CEP170: variants seen among roughly 807,000 people sequenced by gnomAD.
The protein encoded by CEP170 is centrosomal protein 170, also known as centrosomal protein of 170 kDa.
Under a neutral mutation model 151.9 loss-of-function variants are expected in CEP170, and 21 were observed. That is an observed-to-expected ratio of 0.14 (90% CI 0.10 to 0.20). The LOEUF (loss-of-function observed/expected upper bound fraction) is 0.20. Ranked by LOEUF, CEP170 falls within the 10% of genes least tolerant of loss-of-function variation. CEP170 has a pLI of 1.00. For synonymous variants in CEP170, 356 were observed against 648.8 expected, an observed-to-expected ratio of 0.55 and a Z score of 6.86; for missense variants, 964 against 1,892.9, an observed-to-expected ratio of 0.51 and a Z score of 9.11.
chr1:243,178,007 G>C (rs1187462672), intron 10 of CEP170, among the ~76,000 whole-genome samples: 1 of 152,070 alleles, frequency 6.6e-6, no homozygotes, highest in Admixed American at 6.6e-5. Flanking sequence ...TGTGGTTTAT[G>C]CACGCAATAA....
At chr1:243,233,741 AAT>A (rs1303987181) in intron 1 of CEP170, among the ~76,000 whole-genome samples, 16 of 140,410 alleles carry the variant, frequency 1.1e-4, no homozygotes, top group Admixed American at 2.9e-4. Flanking sequence ...TCAAAAAAAA[AAT>A]ATATATATAT....
chr1:243,255,759 T>C (rs2066581770), upstream of CEP170, among the ~76,000 whole-genome samples: 1 of 152,200 alleles, frequency 6.6e-6, no homozygotes, highest in African/African-American at 2.4e-5. Flanking sequence ...CTTTCTGTCA[T>C]TTGGGTGGTC....
intron 1 of CEP170, among the ~76,000 whole-genome samples, chr1:243,254,062 C>T (rs2066236816): frequency 6.6e-6 from 1 of 152,158 alleles, no homozygotes; most frequent in Non-Finnish European, 1.5e-5. Flanking sequence ...ATTTCCCTGA[C>T]ACAACAGCTT....
chr1:243,167,562 A>C (rs2058529017), intron 12 of CEP170, among the ~76,000 whole-genome samples: 1 of 151,866 alleles, frequency 6.6e-6, no homozygotes, highest in Non-Finnish European at 1.5e-5. Flanking sequence ...ACATCTTTTC[A>C]GGGAAATATA....
At chr1:243,231,427 T>G (rs1297122092) in intron 1 of CEP170, among the ~76,000 whole-genome samples, 1 of 152,134 alleles carries the variant, frequency 6.6e-6, no homozygotes. Context: ...TCCACTGTTT[T>G]CATACTTTTC....
rs779488990 is a variant in CEP170 at position 243,185,783 on chromosome 1, T to C, written c.1562A>G (p.Asp521Gly). The C allele has an allele frequency of 1.1e-5, 17 of 1,591,124 alleles. No homozygotes were observed. Among genetic ancestry groups the C allele is most frequent in the Non-Finnish European group, 1.3e-5 (15 of 1,169,420 alleles). The change falls in exon 10 of 20, where the codon GAC becomes GGC. Residue 521 changes from aspartate (D) to glycine (G), a missense_variant. Physicochemically the swap from Asp to Gly is moderately conservative, Grantham distance 94. Transcript: ENST00000366542. This position sits in a 1 kb window ranked among gnomAD's most constrained non-coding sequence, Gnocchi z 4.9. ...ACTCAAATTTCAATTATTTACCTTG[T>C]CAATCATTTTTCTTGCTTCCACTTC... ...SEEVEARKMI[D>G]KVFGVDDNQD...
intron 1 of CEP170, among the ~76,000 whole-genome samples, chr1:243,235,958 G>A (rs950950695): frequency 2.0e-5 from 3 of 152,108 alleles, no homozygotes; most frequent in Non-Finnish European, 2.9e-5. Flanking sequence ...TATGAAACAC[G>A]TAAAGTCTGA....
intron 4 of CEP170, 119 bp from the exon 5 acceptor site, chr1:243,200,954 A>T: frequency 9.6e-7 from 1 of 1,036,612 alleles, no homozygotes; most frequent in Admixed American, 3.2e-5. Flanking sequence ...GAATTATTAT[A>T]TTTCCCCTGA....
chr1:243,246,781 G>C (rs1449980188), intron 1 of CEP170, among the ~76,000 whole-genome samples: 1 of 152,094 alleles, frequency 6.6e-6, no homozygotes, highest in Non-Finnish European at 1.5e-5. Flanking sequence ...ATTAGGATTA[G>C]ATTTGTAATA....
intron 14 of CEP170, among the ~76,000 whole-genome samples, chr1:243,147,271 T>C (rs1216979297): frequency 1.3e-5 from 2 of 152,268 alleles, no homozygotes; most frequent in East Asian, 3.8e-4. Flanking sequence ...TGGCCCATTA[T>C]TCAAGATTAT....
intron 1 of CEP170, among the ~76,000 whole-genome samples, chr1:243,232,426 G>A (rs757407924): frequency 5.9e-5 from 9 of 152,144 alleles, no homozygotes; most frequent in Admixed American, 3.9e-4. Context: ...TTTTTGGTAA[G>A]TTTATTCCCA....
chr1:243,198,524 A>T (rs2060807751), intron 7 of CEP170, among the ~76,000 whole-genome samples: 1 of 152,086 alleles, frequency 6.6e-6, no homozygotes, highest in Non-Finnish European at 1.5e-5. Context: ...AATATGATTA[A>T]GCTGGACATG....
At chr1:243,150,925 C>T (rs1045448952) in intron 14 of CEP170, among the ~76,000 whole-genome samples, 12 of 152,042 alleles carry the variant, frequency 7.9e-5, no homozygotes, top group Non-Finnish European at 1.6e-4. Flanking sequence ...ACCTTGTGGT[C>T]GAGTTGGGTT....
chr1:243,220,161 T>C (rs2062664399), intron 3 of CEP170, among the ~76,000 whole-genome samples: 1 of 152,196 alleles, frequency 6.6e-6, no homozygotes, highest in Admixed American at 6.5e-5. Context: ...AGAAGTAGAA[T>C]TTGAGCTTTA....
chr1:243,149,567 C>A (rs577620387), intron 14 of CEP170, among the ~76,000 whole-genome samples: 2 of 152,276 alleles, frequency 1.3e-5, no homozygotes, highest in East Asian at 3.9e-4. Context: ...TATTATCAAT[C>A]CACAAATGAT....
At chr1:243,139,382 C>T (rs1288248954) in intron 16 of CEP170, among the ~76,000 whole-genome samples, 8 of 152,054 alleles carry the variant, frequency 5.3e-5, no homozygotes, top group Non-Finnish European at 1.2e-4. Flanking sequence ...AAATGTTGTT[C>T]ACGTCTTTGC....
intron 13 of CEP170, among the ~76,000 whole-genome samples, chr1:243,157,582 T>C (rs1217172639): frequency 1.3e-5 from 2 of 152,258 alleles, no homozygotes; most frequent in Non-Finnish European, 2.9e-5. Flanking sequence ...TTAAATGTTA[T>C]TGGTGTTTAA....
chr1:243,223,007 T>G (rs13375453), intron 2 of CEP170, among the ~76,000 whole-genome samples: 1 of 152,108 alleles, frequency 6.6e-6, no homozygotes, highest in Non-Finnish European at 1.5e-5. Flanking sequence ...TTTTCATTAC[T>G]TTGAATTTTT....
At position 243,156,275 on chromosome 1, in the gene CEP170, T is replaced by G. The variant is rs2148463310; in HGVS notation, c.3857A>C (p.Lys1286Thr). Residue 1286 changes from lysine (K) to threonine (T), a missense_variant, in exon 14 of 20, where the codon AAA becomes ACA. Physicochemically the swap from Lys to Thr is moderately conservative, Grantham distance 78. Transcript: ENST00000366542. Reference sequence around the variant, plus strand: ...ATCTCGGATGTAGTCTTCCTGCTCTTTAATCCGGTGTTTGAATGAAGAACT... The same window carrying G: ...ATCTCGGATGTAGTCTTCCTGCTCTGTAATCCGGTGTTTGAATGAAGAACT... ...PTSSSFKHRI[K>T]EQEDYIRDWT... The G allele has an allele frequency of 6.3e-7, 1 of 1,589,110 alleles. No homozygotes were observed. The highest frequency in any genetic ancestry group is 8.6e-7 in the Non-Finnish European group (1 of 1,168,510).
Sources: gnomAD v4.1 joint callset for allele counts (sites outside exome capture counted in the v4.1 genomes callset) on GRCh38, gnomAD v4.1.1 for gene constraint, Gnocchi (gnomAD v3.1) non-coding constraint, MANE v1.5 for transcripts, NCBI Gene and HGNC (gene_info 2026-07-23, HGNC 2026-07-21) for gene names.